The following RALGPS1 variants were observed in gnomAD, a reference collection of about 807,000 sequenced individuals.
The protein encoded by RALGPS1 is Ral GEF with PH domain and SH3 binding motif 1.
A neutral mutation model predicts 78.8 loss-of-function variants in RALGPS1; 19 were observed. The ratio of observed to expected loss-of-function variants is 0.24; its 90% CI spans 0.17 to 0.35. The LOEUF (loss-of-function observed/expected upper bound fraction) is 0.35, where lower values mean the gene tolerates loss of function less well. Ranked by LOEUF, RALGPS1 falls within the 10% of genes least tolerant of loss-of-function variation. The probability of loss-of-function intolerance (pLI) is 1.00; values close to 1 mark genes in which losing one functional copy is unlikely to be tolerated. For missense variants in RALGPS1, 454 were observed against 688.3 expected, an observed-to-expected ratio of 0.66 and a Z score of 3.81; for synonymous variants, 228 against 256.3, an observed-to-expected ratio of 0.89 and a Z score of 1.06.
At chr9:127,081,899 T>C (rs182874695) in intron 8 of RALGPS1, among the ~76,000 whole-genome samples, 1 of 152,306 alleles carries the variant, frequency 6.6e-6, no homozygotes, top group Admixed American at 6.5e-5. Context: ...GCCACGCAGA[T>C]GGGAGAGATT....
chr9:126,959,533 G>C (rs2038680149), intron 1 of RALGPS1, among the ~76,000 whole-genome samples: 1 of 151,764 alleles, frequency 6.6e-6, no homozygotes, highest in Non-Finnish European at 1.5e-5. Flanking sequence ...GCTCATGAAA[G>C]AGGACTTTGG....
At chr9:126,994,357 C>T (rs2042542020) in intron 4 of RALGPS1, among the ~76,000 whole-genome samples, 1 of 152,104 alleles carries the variant, frequency 6.6e-6, no homozygotes, top group East Asian at 1.9e-4. Context: ...AGCTGAAAAC[C>T]AAGGCACGAG....
intron 4 of RALGPS1, chr9:126,989,814 C>T: frequency 6.6e-7 from 1 of 1,519,978 alleles, no homozygotes; most frequent in South Asian, 1.3e-5. Flanking sequence ...TTCGATTTCA[C>T]CCTTCCTGCA....
intron 4 of RALGPS1, among the ~76,000 whole-genome samples, chr9:127,020,500 A>C (rs1450869273): frequency 6.6e-6 from 1 of 152,264 alleles, no homozygotes; most frequent in Non-Finnish European, 1.5e-5. Flanking sequence ...TTAAGGGACA[A>C]ACTACAATTT....
chr9:127,137,818 A>C (rs1423498679), intron 8 of RALGPS1, among the ~76,000 whole-genome samples: 3 of 152,204 alleles, frequency 2.0e-5, no homozygotes, highest in Non-Finnish European at 4.4e-5. Flanking sequence ...TTGAGCAAGC[A>C]GCGTGTAGAG....
rs1443513165 is a variant in RALGPS1 at position 127,211,198 on chromosome 9, C to CA, written c.1248-932dup. On this transcript the variant is annotated intron_variant, in intron 14 of 18. Transcript: ENST00000259351. This position sits in a 1 kb window ranked among gnomAD's most constrained non-coding sequence, Gnocchi z 5.0. The stretch of plus-strand genomic sequence containing the variant: ...GGAGCCACATCCAGCATGCATCATC[C>CA]AGCAGGGGTGAGAATGGTGGCTCAG... Among the ~76,000 whole-genome samples the CA allele has an allele frequency of 6.6e-6, 1 of 152,108 alleles. No individual in the cohort carries two copies.
intron 14 of RALGPS1, 44 bp downstream of exon 14, chr9:127,199,110 C>T: frequency 3.2e-6 from 5 of 1,583,466 alleles, no homozygotes; most frequent in Non-Finnish European, 4.3e-6. Context: ...GGGCGGTGCT[C>T]AGGGCTGAGG....
rs143260221 is a variant in RALGPS1 at position 126,940,244 on chromosome 9, G to C, written c.-65-21981G>C. Among the ~76,000 whole-genome samples, 634 of 152,192 alleles carry C rather than the reference G, an allele frequency of 4.2e-3. 5 individuals carry two copies. The highest frequency in any genetic ancestry group is 0.014 in the African/African-American group (601 of 41,516). On this transcript the variant is annotated intron_variant, in intron 1 of 18. Coordinates refer to ENST00000259351, the MANE Select transcript of RALGPS1 (RefSeq NM_014636.3). ...TCTGTTGAGTGAGTGAGTACATTCA[G>C]ATGTCGTGTTGGACTGTTCCATTGC...
rs546394919 is a variant in RALGPS1, at chr9:127,219,279, G to A, written c.*510G>A. On this transcript the variant is annotated 3_prime_UTR_variant, in exon 19 of 19. Coordinates refer to ENST00000259351, the MANE Select transcript of RALGPS1 (RefSeq NM_014636.3). The surrounding 1 kb of genome is among the most constrained non-coding windows in gnomAD (Gnocchi z 5.0). ...TGTACGTGTGTGTGTGTGTGTGAGC[G>A]AGTGTGAACTCTTCAAGAAACATGC... The A allele has an allele frequency of 1.2e-5, 2 of 165,142 alleles. No homozygotes were observed. Among genetic ancestry groups the A allele is most frequent in the Admixed American group, 1.1e-4 (2 of 17,480 alleles). The allele number at this position is 165,142 out of a possible 1,614,324, so 10.2% of individuals were successfully genotyped here.
chr9:127,169,762 C>T (rs2059469722), intron 10 of RALGPS1, among the ~76,000 whole-genome samples: 1 of 152,132 alleles, frequency 6.6e-6, no homozygotes, highest in African/African-American at 2.4e-5. Context: ...GTTTCATTTT[C>T]AGCACGGTAT....
rs993435433 is a variant in RALGPS1, at chr9:127,183,574, C to A, written c.910+8792C>A. Among the ~76,000 whole-genome samples the A allele has an allele frequency of 4.6e-5, 7 of 152,156 alleles. No individual in the cohort carries two copies. The highest frequency in any genetic ancestry group is 1.0e-4 in the Non-Finnish European group (7 of 68,036). On this transcript the variant is annotated intron_variant, in intron 11 of 18. Transcript: ENST00000259351. The surrounding 1 kb of genome is among the most constrained non-coding windows in gnomAD (Gnocchi z 4.0). ...GGCACAGCCGTTTGGCCTCATCAGG[C>A]CTGAGTAAGGCACAGTAGCTCCCCT... is the stretch of plus-strand genomic sequence containing the variant.
At chr9:127,036,658 A>G (rs2046887797) in intron 5 of RALGPS1, among the ~76,000 whole-genome samples, 1 of 152,170 alleles carries the variant, frequency 6.6e-6, no homozygotes, top group Non-Finnish European at 1.5e-5. Context: ...TCTCCGTGGG[A>G]TCCGAGTCCC....
At chr9:127,118,102 T>G (rs1436981717) in intron 8 of RALGPS1, among the ~76,000 whole-genome samples, 1 of 152,162 alleles carries the variant, frequency 6.6e-6, no homozygotes, top group Non-Finnish European at 1.5e-5. Context: ...ATCACCAGAC[T>G]GGAGTGCAGT....
intron 7 of RALGPS1, among the ~76,000 whole-genome samples, chr9:127,061,702 C>T (rs894980501): frequency 6.6e-6 from 1 of 152,212 alleles, no homozygotes; most frequent in East Asian, 1.9e-4. Flanking sequence ...AGGACTACCT[C>T]TTCCTGCAGT....
intron 4 of RALGPS1, among the ~76,000 whole-genome samples, chr9:127,021,982 G>A (rs1269450489): frequency 6.6e-6 from 1 of 152,052 alleles, no homozygotes; most frequent in Admixed American, 6.6e-5. Context: ...CCCTAAGTCT[G>A]TATGTTTTCC....
chr9:127,160,289 G>A (rs904354831), intron 8 of RALGPS1, among the ~76,000 whole-genome samples: 2 of 152,152 alleles, frequency 1.3e-5, no homozygotes, highest in African/African-American at 4.8e-5. Flanking sequence ...CCTTGGGGCC[G>A]GGTGTCCTGT....
At chr9:127,106,506 A>G (rs1218578667) in intron 8 of RALGPS1, among the ~76,000 whole-genome samples, 1 of 152,230 alleles carries the variant, frequency 6.6e-6, no homozygotes, top group African/African-American at 2.4e-5. Flanking sequence ...GACAGGCACT[A>G]TTTTAATCTA....
At chr9:127,189,423 A>C (rs1490484722) in intron 11 of RALGPS1, among the ~76,000 whole-genome samples, 2 of 152,176 alleles carry the variant, frequency 1.3e-5, no homozygotes, top group African/African-American at 4.8e-5. Context: ...AGGTGATCCC[A>C]GGTGTCTGCT....
At chr9:127,180,762 A>G (rs1233935364) in intron 11 of RALGPS1, among the ~76,000 whole-genome samples, 1 of 152,262 alleles carries the variant, frequency 6.6e-6, no homozygotes, top group Non-Finnish European at 1.5e-5. Flanking sequence ...AAGGGCATGA[A>G]ACAACCATTT....
Sources: allele counts gnomAD v4.1 joint callset (sites outside exome capture counted in the v4.1 genomes callset), GRCh38; gene constraint gnomAD v4.1.1; non-coding constraint Gnocchi (gnomAD v3.1); transcripts MANE v1.5; gene names NCBI Gene and HGNC (gene_info 2026-07-23, HGNC 2026-07-21).